Variants in FRYL observed in about 807,000 individuals in gnomAD.
FRYL encodes the protein FRY like transcription coactivator.
A neutral mutation model predicts 351.2 loss-of-function variants in FRYL; 150 were observed. The observed-to-expected ratio is 0.43, with a 90% CI of 0.37 to 0.49. The LOEUF is 0.49. FRYL is among the 20% of genes least tolerant of loss of function. FRYL has a pLI of 0.00. For synonymous variants in FRYL, 1,153 were observed against 1,257.1 expected (o/e 0.92, Z 1.75); for missense variants, 3,036 against 3,619.3 (o/e 0.84, Z 4.13).
chr4:48,601,761 TAATATA>T (rs1042008890), intron 13 of FRYL, among the ~76,000 whole-genome samples: 24 of 152,176 alleles, frequency 1.6e-4, no homozygotes, highest in African/African-American at 5.8e-4. Flanking sequence ...AGATTTAAGA[TAATATA>T]AATATCACTA....
At chr4:48,776,496 A>G (rs924513383) in intron 1 of FRYL, among the ~76,000 whole-genome samples, 4 of 152,226 alleles carry the variant, frequency 2.6e-5, no homozygotes, top group Non-Finnish European at 5.9e-5. Context: ...AGGCAACAGT[A>G]AAAATGAAAG....
intron 1 of FRYL, among the ~76,000 whole-genome samples, chr4:48,718,997 T>G (rs1432037652): frequency 2.0e-5 from 3 of 151,580 alleles, no homozygotes; most frequent in Non-Finnish European, 4.4e-5. Context: ...TACTTTCTAA[T>G]GACTGCAAAA....
chr4:48,570,940 A>G (rs771062930), intron 26 of FRYL, 22 bp from the exon 27 acceptor site: 8 of 1,552,282 alleles, frequency 5.2e-6, no homozygotes, highest in South Asian at 4.5e-5. Flanking sequence ...ATACAAACAC[A>G]TTAATTAAAA....
At chr4:48,552,326 C>T (rs1487117154) in intron 36 of FRYL, among the ~76,000 whole-genome samples, 1 of 151,628 alleles carries the variant, frequency 6.6e-6, no homozygotes, top group Non-Finnish European at 1.5e-5. Flanking sequence ...AAAGAGTTTT[C>T]TCTAGGGAAT....
In FRYL at chr4:48,528,289, T is replaced by C. The variant is rs1349298946; in HGVS notation, c.6951A>G (p.Gly2317=). The C allele has an allele frequency of 3.1e-6, 5 of 1,613,326 alleles. No homozygotes were observed. Among genetic ancestry groups the C allele is most frequent in the Non-Finnish European group, 4.2e-6 (5 of 1,179,564 alleles). The change falls in exon 51 of 64, where the codon GGA becomes GGG. Residue 2317 remains glycine (G), a synonymous_variant. Coordinates refer to ENST00000358350, the MANE Select transcript of FRYL (RefSeq NM_015030.2). The part of the protein sequence containing the change: ...NKYGDQHSAA[G]RNGKPKVIAV... ...CAATAACTTTTGGTTTCCCATTTCT[T>C]CCAGCCGCACTGTGCTGATCACCAT...
intron 1 of FRYL, among the ~76,000 whole-genome samples, chr4:48,770,886 C>T (rs1382659234): frequency 6.6e-6 from 1 of 152,154 alleles, no homozygotes; most frequent in African/African-American, 2.4e-5. Context: ...AAGCTACTAT[C>T]CCTCCCTTAA....
chr4:48,779,194 A>C (rs1425301753), intron 1 of FRYL, among the ~76,000 whole-genome samples: 1 of 152,238 alleles, frequency 6.6e-6, no homozygotes, highest in Non-Finnish European at 1.5e-5. Context: ...CTGTGCCCAA[A>C]GAACCTGCCG....
chr4:48,499,176 C>G lies in FRYL; in HGVS notation c.*246G>C. On this transcript the variant is annotated 3_prime_UTR_variant, in exon 64 of 64. Transcript: ENST00000358350. ...ATCACTTTTAGCCCTTTTCTTTTCA[C>G]GTAGGTTAAGTAATTAAAAAATTCC... The G allele has an allele frequency of 2.3e-6, 1 of 428,814 alleles. No individual in the cohort carries two copies. The highest frequency in any genetic ancestry group is 4.2e-6 in the Non-Finnish European group (1 of 235,746). 26.6% of individuals were successfully genotyped at this position (428,814 alleles called of 1,614,324 possible). A position where few individuals can be genotyped will look rare whatever the true frequency, so the allele number is the denominator to read the frequency against.
chr4:48,736,850 G>GAAAAAAAAAAAAAA (rs368006420), intron 1 of FRYL, among the ~76,000 whole-genome samples: 11 of 40,542 alleles, frequency 2.7e-4, no homozygotes, highest in Admixed American at 3.8e-4. Context: ...ACTCTGTCTC[G>GAAAAAAAAAAAAAA]AAAAAAAAAA....
At chr4:48,639,505 A>G (rs1168359050) in intron 3 of FRYL, among the ~76,000 whole-genome samples, 2 of 151,876 alleles carry the variant, frequency 1.3e-5, no homozygotes, top group Non-Finnish European at 2.9e-5. Context: ...AAATCTAGAT[A>G]CAGAACTTAT....
intron 53 of FRYL, among the ~76,000 whole-genome samples, chr4:48,525,602 T>C (rs917755754): frequency 6.6e-6 from 1 of 152,192 alleles, no homozygotes; most frequent in Non-Finnish European, 1.5e-5. Flanking sequence ...GATGAATGTG[T>C]ATAAGCTGTA....
intron 31 of FRYL, 120 bp from the exon 32 acceptor site, chr4:48,563,108 G>A: frequency 1.6e-6 from 1 of 620,572 alleles, no homozygotes. Flanking sequence ...CCTATGAGGA[G>A]ACTTGGTTTT....
At chr4:48,588,744 T>TC (rs1482988754) in intron 18 of FRYL, among the ~76,000 whole-genome samples, 2 of 152,148 alleles carry the variant, frequency 1.3e-5, no homozygotes. Context: ...ATGTGCAGTG[T>TC]CCCCCACCCA....
intron 7 of FRYL, among the ~76,000 whole-genome samples, chr4:48,614,519 C>T (rs546769787): frequency 4.6e-5 from 7 of 151,982 alleles, no homozygotes; most frequent in Non-Finnish European, 8.8e-5. Flanking sequence ...GTCAGGAGTT[C>T]GTGACTAGCC....
chr4:48,527,804 T>TA, intron 52 of FRYL, 151 bp from the exon 53 acceptor site: 1 of 968,686 alleles, frequency 1.0e-6, no homozygotes, highest in Non-Finnish European at 1.5e-6. Flanking sequence ...GTTGAACACA[T>TA]AGTTAGCATG....
intron 57 of FRYL, among the ~76,000 whole-genome samples, chr4:48,511,965 C>G (rs1411496272): frequency 1.3e-5 from 2 of 152,174 alleles, no homozygotes; most frequent in Non-Finnish European, 2.9e-5. Context: ...TGTCAGAACA[C>G]TTACCGTAAA....
chr4:48,705,475 A>C (rs539757071), intron 2 of FRYL, among the ~76,000 whole-genome samples: 5 of 151,470 alleles, frequency 3.3e-5, no homozygotes, highest in Admixed American at 6.6e-5. Context: ...CAAGTAAAAA[A>C]AAAAAACAAA....
At chr4:48,600,311 C>T (rs1053202185) in intron 13 of FRYL, among the ~76,000 whole-genome samples, 5 of 152,052 alleles carry the variant, frequency 3.3e-5, no homozygotes, top group African/African-American at 4.8e-5. Context: ...GCAGAGCAGC[C>T]ACATTATCTA....
chr4:48,653,821 G>C (rs1436537093), intron 3 of FRYL: 1 of 1,287,198 alleles, frequency 7.8e-7, no homozygotes, highest in Non-Finnish European at 1.0e-6. Context: ...AGCAGCAGCA[G>C]CAGCAGCAGC....
Sources: gnomAD v4.1 joint callset for allele counts (sites outside exome capture counted in the v4.1 genomes callset) on GRCh38, gnomAD v4.1.1 for gene constraint, MANE v1.5 for transcripts, NCBI Gene and HGNC (gene_info 2026-07-23, HGNC 2026-07-21) for gene names.